The following STK32B variants were observed in gnomAD, a reference collection of about 807,000 sequenced individuals.
The protein encoded by STK32B is serine/threonine-protein kinase 32B.
A neutral mutation model predicts 52.6 loss-of-function variants in STK32B; 43 were observed. That is an observed-to-expected ratio of 0.82 (90% confidence interval 0.64 to 1.05). The LOEUF (loss-of-function observed/expected upper bound fraction) is 1.05. Among genes scored for constraint, STK32B ranks in the 50% least tolerant of loss-of-function variants. The pLI is 0.00. For synonymous variants in STK32B, 238 were observed against 204.3 expected (o/e 1.17, Z -1.41); for missense variants, 621 against 534.6 (o/e 1.16, Z -1.59).
chr4:5,482,764 A>C (rs867518260), intron 11 of STK32B, among the ~76,000 whole-genome samples: 1 of 152,206 alleles, frequency 6.6e-6, no homozygotes, highest in African/African-American at 2.4e-5. Flanking sequence ...ATGTCCCATC[A>C]ATACCTAATT....
intron 11 of STK32B, among the ~76,000 whole-genome samples, chr4:5,495,980 G>T (rs1259573394): frequency 6.6e-6 from 1 of 151,354 alleles, no homozygotes; most frequent in East Asian, 1.9e-4. Context: ...GTGTCAGTCT[G>T]CCCCTACTGG....
chr4:5,374,334 T>G (rs1017097598), intron 4 of STK32B, among the ~76,000 whole-genome samples: 1 of 152,230 alleles, frequency 6.6e-6, no homozygotes, highest in Admixed American at 6.5e-5. Context: ...TGAATAACAT[T>G]CTATAATAGA....
chr4:5,160,945 C>T (rs2108725781), intron 2 of STK32B, among the ~76,000 whole-genome samples: 1 of 152,264 alleles, frequency 6.6e-6, no homozygotes, highest in South Asian at 2.1e-4. Flanking sequence ...CTGTGGATGC[C>T]TGAGAACAGC....
intron 4 of STK32B, among the ~76,000 whole-genome samples, chr4:5,337,472 A>C (rs1732785486): frequency 1.3e-5 from 2 of 152,180 alleles, no homozygotes; most frequent in Admixed American, 1.3e-4. Context: ...AAAGAAATGG[A>C]ATGCAGAAAG....
chr4:5,320,127 C>T (rs932323381), intron 3 of STK32B, among the ~76,000 whole-genome samples: 1 of 152,096 alleles, frequency 6.6e-6, no homozygotes, highest in Non-Finnish European at 1.5e-5. Flanking sequence ...AGAATCCCTC[C>T]CCTTTTTTGA....
chr4:5,328,866 AG>A (rs931249059), intron 3 of STK32B, among the ~76,000 whole-genome samples: 1 of 152,092 alleles, frequency 6.6e-6, no homozygotes, highest in African/African-American at 2.4e-5. Context: ...CTCTTTGTTG[AG>A]GGGGAGGAGC....
At chr4:5,175,395 C>G (rs990823391) in intron 3 of STK32B, among the ~76,000 whole-genome samples, 6 of 152,142 alleles carry the variant, frequency 3.9e-5, no homozygotes, top group African/African-American at 1.2e-4. Flanking sequence ...TTTAGAGTTT[C>G]CAGTTTTTCT....
At position 5,468,058 on chromosome 4, in the gene STK32B, T is replaced by C; in HGVS notation, c.1094T>C (p.Phe365Ser). 1 of 1,614,162 alleles carries C rather than the reference T, an allele frequency of 6.2e-7. No homozygotes were observed. Among genetic ancestry groups the C allele is most frequent in the Non-Finnish European group, 8.5e-7 (1 of 1,179,968 alleles). Residue 365 changes from phenylalanine to serine, a missense_variant, in exon 11 of 12, where the codon TTC (phenylalanine) becomes TCC (serine). Physicochemically the swap from Phe to Ser is radical, Grantham distance 155. Transcript: ENST00000282908. Reference protein sequence around the residue: ...LETVREEFIIFNREKLRRQQG... With the variant: ...LETVREEFIISNREKLRRQQG... Reference sequence around the variant, plus strand: ...ACTGTCCGGGAGGAATTCATCATATTCAACAGAGAGAAGTAAGTCCTTCAT... The same window carrying C: ...ACTGTCCGGGAGGAATTCATCATATCCAACAGAGAGAAGTAAGTCCTTCAT...
At chr4:5,448,672 G>A (rs1222341597) in intron 7 of STK32B, among the ~76,000 whole-genome samples, 1 of 152,158 alleles carries the variant, frequency 6.6e-6, no homozygotes, top group East Asian at 1.9e-4. Context: ...AGATCCAGAT[G>A]CTATTTTCAA....
intron 1 of STK32B, among the ~76,000 whole-genome samples, chr4:5,106,643 A>G (rs1714123291): frequency 6.6e-6 from 1 of 152,170 alleles, no homozygotes; most frequent in Non-Finnish European, 1.5e-5. Flanking sequence ...TGTTTATTGA[A>G]ATCAAATCCA....
At chr4:5,155,522 A>G (rs1056965041) in intron 2 of STK32B, among the ~76,000 whole-genome samples, 44 of 152,118 alleles carry the variant, frequency 2.9e-4, no homozygotes, top group African/African-American at 9.7e-4. Flanking sequence ...CATATACATT[A>G]GGCATACCCA....
chr4:5,159,812 T>TA (rs1553840576), intron 2 of STK32B, among the ~76,000 whole-genome samples: 8 of 149,264 alleles, frequency 5.4e-5, no homozygotes, highest in Non-Finnish European at 8.9e-5. Context: ...TATATATATG[T>TA]TATTGGAGTT....
chr4:5,092,537 A>G (rs1434361048), intron 1 of STK32B, among the ~76,000 whole-genome samples: 1 of 150,582 alleles, frequency 6.6e-6, no homozygotes, highest in Non-Finnish European at 1.5e-5. Flanking sequence ...TCCGTCTCAA[A>G]AAAAAAAAAA....
Position 5,470,561 on chromosome 4 carries a change from C to CT in STK32B, c.1106+2492dup, listed in dbSNP as rs1157882053. On this transcript the variant is annotated intron_variant, in intron 11 of 11. Coordinates refer to ENST00000282908, the MANE Select transcript of STK32B (RefSeq NM_018401.3). This position sits in a 1 kb window ranked among gnomAD's most constrained non-coding sequence, Gnocchi z 4.6. The stretch of plus-strand genomic sequence containing the variant: ...CTGTCACAGCAGGCGTGCAGGCTTA[C>CT]TGCCATATAAAGGTGTCCAGGAGAG... Among the ~76,000 whole-genome samples, 1 of 152,110 alleles carries CT rather than the reference C, an allele frequency of 6.6e-6. No homozygotes were observed. Among genetic ancestry groups the CT allele is most frequent in the Non-Finnish European group, 1.5e-5 (1 of 68,034 alleles).
chr4:5,273,193 A>C, intron 3 of STK32B, among the ~76,000 whole-genome samples: 2 of 142,290 alleles, frequency 1.4e-5, no homozygotes, highest in African/African-American at 2.6e-5. Context: ...ACATGAACAG[A>C]CACTTCTCAA....
chr4:5,252,219 G>A (rs1290128302), intron 3 of STK32B, among the ~76,000 whole-genome samples: 1 of 152,124 alleles, frequency 6.6e-6, no homozygotes, highest in Admixed American at 6.5e-5. Flanking sequence ...ATATAAATAT[G>A]TGCCAAAGAT....
At chr4:5,134,699 A>T (rs1449814618) in intron 1 of STK32B, among the ~76,000 whole-genome samples, 1 of 152,224 alleles carries the variant, frequency 6.6e-6, no homozygotes, top group Non-Finnish European at 1.5e-5. Context: ...TGACCCACCC[A>T]TGTGCAAACT....
chr4:5,170,314 T>A (rs1471416526), intron 3 of STK32B, among the ~76,000 whole-genome samples: 1 of 152,164 alleles, frequency 6.6e-6, no homozygotes, highest in Non-Finnish European at 1.5e-5. Context: ...TTTATTTTTA[T>A]TTTTATTATT....
intron 3 of STK32B, among the ~76,000 whole-genome samples, chr4:5,236,711 T>G (rs192443431): frequency 6.6e-6 from 1 of 152,358 alleles, no homozygotes; most frequent in East Asian, 1.9e-4. Flanking sequence ...CAGCTGTAGA[T>G]TGCTTCCATG....
Sources: gnomAD v4.1 joint callset for allele counts (sites outside exome capture counted in the v4.1 genomes callset) on GRCh38, gnomAD v4.1.1 for gene constraint, Gnocchi (gnomAD v3.1) non-coding constraint, MANE v1.5 for transcripts, NCBI Gene and HGNC (gene_info 2026-07-23, HGNC 2026-07-21) for gene names.